NXPH1: variants seen among roughly 807,000 people sequenced by gnomAD.
NXPH1 encodes neurexophilin 1, also known as neurexophilin-1.
In NXPH1, 5 loss-of-function variants were observed where a neutral mutation model predicts 23.7. The observed-to-expected ratio is 0.21, with a 90% CI of 0.11 to 0.44. The LOEUF (loss-of-function observed/expected upper bound fraction) is 0.44, where lower values mean the gene tolerates loss of function less well. Among genes scored for constraint, NXPH1 ranks in the 20% least tolerant of loss-of-function variants. The pLI is 0.99. For missense variants in NXPH1, 324 were observed against 321.6 expected (o/e 1.01, Z -0.06); for synonymous variants, 144 against 122.2 (o/e 1.18, Z -1.18).
At chr7:8,520,226 C>T (rs1019324171) in intron 2 of NXPH1, among the ~76,000 whole-genome samples, 1 of 152,164 alleles carries the variant, frequency 6.6e-6, no homozygotes, top group Non-Finnish European at 1.5e-5. Flanking sequence ...TCCTCTCCTG[C>T]CAGTAGTAGC....
intron 2 of NXPH1, among the ~76,000 whole-genome samples, chr7:8,748,145 A>G (rs1047479582): frequency 3.3e-5 from 5 of 152,202 alleles, no homozygotes; most frequent in Non-Finnish European, 7.3e-5. Flanking sequence ...CCTATTAGAA[A>G]TTAATATTTA....
intron 2 of NXPH1, among the ~76,000 whole-genome samples, chr7:8,602,997 G>T (rs539136773): frequency 3.9e-5 from 6 of 152,120 alleles, no homozygotes; most frequent in Non-Finnish European, 5.9e-5. Flanking sequence ...TTTTAGTAGA[G>T]ACGGGGTTTT....
chr7:8,454,099 T>TA (rs1554422605), intron 2 of NXPH1, among the ~76,000 whole-genome samples: 3 of 151,494 alleles, frequency 2.0e-5, no homozygotes, highest in Non-Finnish European at 2.9e-5. Context: ...GAGGGTGGAG[T>TA]GGGGAGGAGA....
At chr7:8,741,995 A>G (rs1479894589) in intron 2 of NXPH1, among the ~76,000 whole-genome samples, 7 of 152,124 alleles carry the variant, frequency 4.6e-5, no homozygotes, top group Non-Finnish European at 5.9e-5. Flanking sequence ...AGAGTCTAAC[A>G]CATCTTTAAA....
At chr7:8,646,189 C>T (rs1042467909) in intron 2 of NXPH1, among the ~76,000 whole-genome samples, 1 of 151,888 alleles carries the variant, frequency 6.6e-6, no homozygotes, top group Admixed American at 6.6e-5. Context: ...CTATGATGAC[C>T]CTGTGTCACT....
chr7:8,601,989 T>G (rs1035685102), intron 2 of NXPH1, among the ~76,000 whole-genome samples: 7 of 152,232 alleles, frequency 4.6e-5, no homozygotes, highest in African/African-American at 1.7e-4. Flanking sequence ...AATTTTCTTT[T>G]GCCTCCAATC....
intron 2 of NXPH1, among the ~76,000 whole-genome samples, chr7:8,455,306 C>T (rs10486222): frequency 7.2e-5 from 11 of 151,954 alleles, no homozygotes; most frequent in Non-Finnish European, 1.3e-4. Flanking sequence ...CCACTTTAAA[C>T]GACTAATCCT....
At chr7:8,648,590 A>T (rs1326308981) in intron 2 of NXPH1, among the ~76,000 whole-genome samples, 1 of 152,170 alleles carries the variant, frequency 6.6e-6, no homozygotes, top group Non-Finnish European at 1.5e-5. Flanking sequence ...GTTGCTTCCA[A>T]ATCTTAGCTA....
At chr7:8,476,957 A>G (rs918766428) in intron 2 of NXPH1, among the ~76,000 whole-genome samples, 19 of 152,168 alleles carry the variant, frequency 1.2e-4, no homozygotes, top group African/African-American at 4.3e-4. Flanking sequence ...CTTCAAATTT[A>G]TTTTAAATTG....
chr7:8,524,500 A>G (rs181238112), intron 2 of NXPH1, among the ~76,000 whole-genome samples: 2 of 152,224 alleles, frequency 1.3e-5, no homozygotes, highest in African/African-American at 2.4e-5. Context: ...CCTTTTGGAA[A>G]TCATAGCATG....
chr7:8,512,144 C>T (rs1238803766), intron 2 of NXPH1, among the ~76,000 whole-genome samples: 1 of 152,072 alleles, frequency 6.6e-6, no homozygotes, highest in Non-Finnish European at 1.5e-5. Context: ...TGCTGTGGCT[C>T]CTCTCCAAAT....
intron 2 of NXPH1, among the ~76,000 whole-genome samples, chr7:8,559,256 G>C (rs17151223): frequency 0.14 from 20,654 of 151,648 alleles, 2,115 homozygotes; most frequent in African/African-American, 0.28. Context: ...CCACGCCCTG[G>C]TGGAATCTAA....
At chr7:8,660,300 G>C (rs1206872174) in intron 2 of NXPH1, among the ~76,000 whole-genome samples, 1 of 152,142 alleles carries the variant, frequency 6.6e-6, no homozygotes, top group African/African-American at 2.4e-5. Context: ...AATTAATCAG[G>C]GGTGGTGAGA....
At chr7:8,661,385 A>G (rs2115161932) in intron 2 of NXPH1, among the ~76,000 whole-genome samples, 1 of 152,268 alleles carries the variant, frequency 6.6e-6, no homozygotes, top group African/African-American at 2.4e-5. Context: ...ACTTCTCAAA[A>G]TAGTTCAACC....
At chr7:8,454,579 G>T (rs193280225) in intron 2 of NXPH1, among the ~76,000 whole-genome samples, 3 of 152,074 alleles carry the variant, frequency 2.0e-5, no homozygotes, top group African/African-American at 4.8e-5. Flanking sequence ...CTGATGACAT[G>T]CATTGGCCAT....
chr7:8,655,451 T>TACACACACAC (rs71017603), intron 2 of NXPH1, among the ~76,000 whole-genome samples: 2,445 of 139,142 alleles, frequency 0.018, 46 homozygotes, highest in East Asian at 0.041. Flanking sequence ...TCTCTCTCTA[T>TACACACACAC]ACACACACAC....
In NXPH1 at chr7:8,660,404, T is replaced by A. The variant is rs532572916; in HGVS notation, c.55-90604T>A. On this transcript the variant is annotated intron_variant, in intron 2 of 2. Coordinates refer to ENST00000405863, the MANE Select transcript of NXPH1 (RefSeq NM_152745.3). ...AACTTACATAAACACGGGTGAAAGT[T>A]TTGAAAAGAGACACTAAGCAAAAGC... 2.0e-5 allele frequency among the ~76,000 whole-genome samples: 3 copies of A among 152,274 alleles called. No individual in the cohort carries two copies. The East Asian group carries it at 5.8e-4, about 29-fold the overall frequency.
At chr7:8,722,620 C>T (rs1049667482) in intron 2 of NXPH1, among the ~76,000 whole-genome samples, 3 of 152,168 alleles carry the variant, frequency 2.0e-5, no homozygotes, top group African/African-American at 7.2e-5. Flanking sequence ...TTAAAACTTG[C>T]CAGCAAAGTT....
rs1440079595 is a variant in NXPH1 at position 8,748,919 on chromosome 7, G to A, written c.55-2089G>A. On this transcript the variant is annotated intron_variant, in intron 2 of 2. Coordinates refer to ENST00000405863, the MANE Select transcript of NXPH1 (RefSeq NM_152745.3). Reference sequence around the variant, plus strand: ...GTGAGAATAGTCCAGCCACACTCATGTTACCTCAATTTGAACAGGCAAATA... The same window carrying A: ...GTGAGAATAGTCCAGCCACACTCATATTACCTCAATTTGAACAGGCAAATA... Among the ~76,000 whole-genome samples, 7 of 152,310 alleles carry A rather than the reference G, an allele frequency of 4.6e-5. No homozygotes were observed. In the South Asian group the frequency reaches 1.4e-3, roughly 32 times the overall value.
Sources: allele counts gnomAD v4.1 joint callset (sites outside exome capture counted in the v4.1 genomes callset), GRCh38; gene constraint gnomAD v4.1.1; transcripts MANE v1.5; gene names NCBI Gene and HGNC (gene_info 2026-07-23, HGNC 2026-07-21).